NUP88: variants seen among roughly 807,000 people sequenced by gnomAD.
The protein encoded by NUP88 is nuclear pore complex protein Nup88.
Under a neutral mutation model 93.9 loss-of-function variants are expected in NUP88, and 57 were observed. That is an observed-to-expected ratio of 0.61 (90% CI 0.49 to 0.76). The LOEUF is 0.76. Among genes scored for constraint, NUP88 ranks in the 30% least tolerant of loss-of-function variants. The probability of loss-of-function intolerance (pLI) is 0.00; values close to 1 mark genes in which losing one functional copy is unlikely to be tolerated. For missense variants in NUP88, 911 were observed against 901.0 expected, an observed-to-expected ratio of 1.01 and a Z score of -0.14; for synonymous variants, 346 against 336.8, an observed-to-expected ratio of 1.03 and a Z score of -0.30.
intron 9 of NUP88, among the ~76,000 whole-genome samples, chr17:5,394,293 C>T (rs571502098): frequency 2.6e-5 from 4 of 152,126 alleles, no homozygotes; most frequent in Non-Finnish European, 4.4e-5. Flanking sequence ...CAGAGGAACC[C>T]GCCCAAGAAG....
intron 8 of NUP88, among the ~76,000 whole-genome samples, chr17:5,395,541 T>C (rs1334790589): frequency 6.6e-6 from 1 of 151,896 alleles, no homozygotes. Context: ...CAGCTTTATT[T>C]TTTTTTGGAT....
In NUP88 at chr17:5,410,700, T is replaced by C; in HGVS notation, c.680+3A>G. On this transcript the variant is annotated splice_donor_region_variant and intron_variant, in intron 4 of 16. Coordinates refer to ENST00000573584, the MANE Select transcript of NUP88 (RefSeq NM_002532.6). Reference sequence around the variant, plus strand: ...CCATTTCAAGACTCAAATAAAAACTTACCCTTTATTGAGTACTAGACTTTC... The same window carrying C: ...CCATTTCAAGACTCAAATAAAAACTCACCCTTTATTGAGTACTAGACTTTC... The C allele has an allele frequency of 1.9e-6, 3 of 1,553,502 alleles. No homozygotes were observed. Among genetic ancestry groups the C allele is most frequent in the Non-Finnish European group, 8.8e-7 (1 of 1,134,356 alleles).
At chr17:5,398,506 C>T (rs978809756) in intron 8 of NUP88, among the ~76,000 whole-genome samples, 3 of 151,822 alleles carry the variant, frequency 2.0e-5, no homozygotes, top group African/African-American at 4.8e-5. Context: ...CTAGACTGTT[C>T]GCAAACTCCC....
At position 5,416,591 on chromosome 17, in the gene NUP88, C is replaced by T. The variant is rs777897723; in HGVS notation, c.389G>A (p.Gly130Glu). ...QHHVALIGIKGLMVLELPKRW... is the reference protein window; with the variant it reads ...QHHVALIGIKELMVLELPKRW... ...TTTAGGTAATTCTAATACCATAAGT[C>T]CTTTTATTCCTATAAGTGCTACATG... is the stretch of plus-strand genomic sequence containing the variant. Residue 130 changes from glycine to glutamate, a missense_variant, in exon 2 of 17, where the codon GGA becomes GAA. By Grantham distance (98) the Gly-to-Glu change is moderately conservative. Transcript: ENST00000573584. The T allele has an allele frequency of 3.1e-6, 5 of 1,611,664 alleles. No individual in the cohort carries two copies. The Admixed American group carries it at 8.4e-5, about 27-fold the overall frequency.
At chr17:5,418,503 C>T (rs1209915196) in intron 1 of NUP88, among the ~76,000 whole-genome samples, 1 of 152,206 alleles carries the variant, frequency 6.6e-6, no homozygotes, top group Non-Finnish European at 1.5e-5. Flanking sequence ...ATCCACCTGC[C>T]TCTGCCTCCC....
Position 5,408,831 on chromosome 17 carries a change from TAG to T in NUP88, c.757_758del (p.Leu253IlefsTer8). The T allele has an allele frequency of 6.2e-7, 1 of 1,614,038 alleles. No individual in the cohort carries two copies. The highest frequency in any genetic ancestry group is 8.5e-7 in the Non-Finnish European group (1 of 1,179,904). ...FGPLAAVPKT[L>X]FGQNGKDEVV... Reference sequence around the variant, plus strand: ...CTTCATCTTTGCCGTTTTGTCCAAATAGAGTCTTTGGGACTGCTGCCAATGGC... The same window carrying T: ...CTTCATCTTTGCCGTTTTGTCCAAATAGTCTTTGGGACTGCTGCCAATGGC... On this transcript the variant is annotated frameshift_variant, in exon 5 of 17. Coordinates refer to ENST00000573584, the MANE Select transcript of NUP88 (RefSeq NM_002532.6). LOFTEE classifies it high-confidence loss of function.
rs144721034 is a variant in NUP88 at position 5,416,603 on chromosome 17, A to G, written c.377T>C (p.Ile126Thr). ...TAATACCATAAGTCCTTTTATTCCT[A>G]TAAGTGCTACATGATGTTGTGTTGG... is the stretch of plus-strand genomic sequence containing the variant. ...LSPTQHHVAL[I>T]GIKGLMVLEL... Residue 126 changes from isoleucine to threonine, a missense_variant, in exon 2 of 17, where the codon ATA (isoleucine) becomes ACA (threonine). Coordinates refer to ENST00000573584, the MANE Select transcript of NUP88 (RefSeq NM_002532.6). 3.4e-5 allele frequency: 55 copies of G among 1,612,346 alleles called. No homozygotes were observed. The highest frequency in any genetic ancestry group is 4.4e-5 in the South Asian group (4 of 90,626).
intron 8 of NUP88, among the ~76,000 whole-genome samples, chr17:5,395,508 G>A (rs945597199): frequency 6.6e-6 from 1 of 151,466 alleles, no homozygotes; most frequent in Non-Finnish European, 1.5e-5. Flanking sequence ...AAATTTTTCA[G>A]AGTAGGGATA....
At chr17:5,392,958 T>A (rs1404293749) in intron 9 of NUP88, among the ~76,000 whole-genome samples, 1 of 152,078 alleles carries the variant, frequency 6.6e-6, no homozygotes, top group East Asian at 1.9e-4. Context: ...GTGGCTAATT[T>A]TTTTTTTTGT....
In NUP88 at chr17:5,389,628, C is replaced by T. The variant is rs534565420; in HGVS notation, c.1485-668G>A. ...CTGTCTCTACTAAAAATATAAAAAT[C>T]AGCTGGGTGTGGTGGCACACATCTG... On this transcript the variant is annotated intron_variant, in intron 10 of 16. Transcript: ENST00000573584. 6.0e-5 allele frequency among the ~76,000 whole-genome samples: 9 copies of T among 151,234 alleles called. No individual in the cohort carries two copies. The South Asian group carries it at 1.9e-3, about 32-fold the overall frequency.
chr17:5,404,010 C>T (rs543741928), intron 7 of NUP88, 89 bp downstream of exon 7: 2 of 1,341,620 alleles, frequency 1.5e-6, no homozygotes, highest in African/African-American at 2.9e-5. Context: ...GCTGGAACCA[C>T]AGAACAAATA....
Position 5,386,055 on chromosome 17 carries a change from AATT to A in NUP88, c.*148_*150del. 2 of 589,620 alleles carry A rather than the reference AATT, an allele frequency of 3.4e-6. No individual in the cohort carries two copies. Among genetic ancestry groups the A allele is most frequent in the East Asian group, 6.1e-5 (2 of 32,610 alleles). 36.5% of individuals were successfully genotyped at this position (589,620 alleles called of 1,614,324 possible). ...AAATTTTAAATAAAAGCATTTACTCAATTATTATAAAACAACATATTTAAAAAG... is the reference window on the plus strand; with the variant it reads ...AAATTTTAAATAAAAGCATTTACTCAATTATAAAACAACATATTTAAAAAG... On this transcript the variant is annotated 3_prime_UTR_variant, in exon 17 of 17. Transcript: ENST00000573584.
chr17:5,400,493 C>CAA lies in NUP88; in HGVS notation c.1193-845_1193-844dup, dbSNP rs1187634728. ...CGTGGGCGAGAGTGAAACTCCGTCT[C>CAA]AAAAAAAAAAAAAAAAAAAAAAAAC... On this transcript the variant is annotated intron_variant, in intron 7 of 16. Transcript: ENST00000573584. Among the ~76,000 whole-genome samples the CAA allele has an allele frequency of 9.2e-3, 403 of 43,854 alleles. 5 individuals carry two copies. The highest frequency in any genetic ancestry group is 0.023 in the African/African-American group (301 of 12,910). 28.8% of individuals were successfully genotyped at this position (43,854 alleles called of 152,430 possible).
intron 5 of NUP88, among the ~76,000 whole-genome samples, chr17:5,406,736 A>AAT (rs1274199879): frequency 6.6e-6 from 1 of 151,586 alleles, no homozygotes; most frequent in Non-Finnish European, 1.5e-5. Context: ...CCACACAGAA[A>AAT]ATACACTAAC....
rs770869902 is a variant in NUP88 at position 5,387,081 on chromosome 17, G to A, written c.1946C>T (p.Ser649Phe). 1.2e-6 allele frequency: 2 copies of A among 1,614,038 alleles called. No individual in the cohort carries two copies. The highest frequency in any genetic ancestry group is 8.5e-7 in the Non-Finnish European group (1 of 1,179,960). ...RMKKLLHSFH[S>F]ELPVLSDSER... ...ACTATCAGAGAGAACTGGGAGCTCA[G>A]AGTGAAAACTGTGAAGTAGTTTTTT... The change falls in exon 15 of 17, where the codon TCT becomes TTT. Residue 649 changes from serine to phenylalanine, a missense_variant. Physicochemically the swap from Ser to Phe is radical, Grantham distance 155. Transcript: ENST00000573584.
In NUP88 at chr17:5,386,158, A is replaced by T; in HGVS notation, c.*48T>A. ...TCTACCTGTTTTACAATATGGGTTT[A>T]AGCCTTCAATGGTGTTCAGTTCAGG... On this transcript the variant is annotated 3_prime_UTR_variant, in exon 17 of 17. Coordinates refer to ENST00000573584, the MANE Select transcript of NUP88 (RefSeq NM_002532.6). 7.1e-7 allele frequency: 1 copy of T among 1,415,902 alleles called. No homozygotes were observed. Among genetic ancestry groups the T allele is most frequent in the Non-Finnish European group, 9.8e-7 (1 of 1,017,782 alleles). 87.7% of individuals were successfully genotyped at this position (1,415,902 alleles called of 1,614,324 possible). A position where few individuals can be genotyped will look rare whatever the true frequency, so the allele number is the denominator to read the frequency against.
At position 5,387,631 on chromosome 17, in the gene NUP88, T is replaced by C; in HGVS notation, c.1809A>G (p.Glu603=). ...LLCDQKKKQL[E]DLSYCREERK... is the part of the protein sequence containing the mutation. ...TCTCTTCTCGACAATAACTGAGATCTTCTAGTTGTTTCTTTTTTTGGTCAC... is the reference window on the plus strand; with the variant it reads ...TCTCTTCTCGACAATAACTGAGATCCTCTAGTTGTTTCTTTTTTTGGTCAC... The change falls in exon 13 of 17, where the codon GAA becomes GAG. Residue 603 remains glutamate, a synonymous_variant. Transcript: ENST00000573584. The C allele has an allele frequency of 6.2e-7, 1 of 1,613,374 alleles. No individual in the cohort carries two copies. The highest frequency in any genetic ancestry group is 1.1e-5 in the South Asian group (1 of 91,052).
In NUP88 at chr17:5,387,766, C is replaced by T. The variant is rs995378425; in HGVS notation, c.1769+13G>A. 9 of 1,611,718 alleles carry T rather than the reference C, an allele frequency of 5.6e-6. No homozygotes were observed. The highest frequency in any genetic ancestry group is 6.8e-6 in the Non-Finnish European group (8 of 1,178,826). ...GCCAGGGATCGATGGTTTGTGAACA[C>T]AGGACATCATACCTCCGCTGAATCT... On this transcript the variant is annotated intron_variant, in intron 12 of 16. Transcript: ENST00000573584.
intron 10 of NUP88, among the ~76,000 whole-genome samples, chr17:5,390,888 G>A (rs922355266): frequency 6.6e-6 from 1 of 151,976 alleles, no homozygotes; most frequent in Admixed American, 6.6e-5. Context: ...AGAGATGGGG[G>A]TCTCACTGTT....
Sources: gnomAD v4.1 joint callset for allele counts (sites outside exome capture counted in the v4.1 genomes callset) on GRCh38, gnomAD v4.1.1 for gene constraint, MANE v1.5 for transcripts, NCBI Gene and HGNC (gene_info 2026-07-23, HGNC 2026-07-21) for gene names.